The following RBFOX1 variants were observed in gnomAD, a reference collection of about 807,000 sequenced individuals.
RBFOX1 encodes the protein RNA binding fox-1 homolog 1, also known as RNA binding protein fox-1 homolog 1.
In RBFOX1, 8 loss-of-function variants were observed where a neutral mutation model predicts 57.7. The observed-to-expected ratio is 0.14, with a 90% CI of 0.08 to 0.25. The LOEUF (loss-of-function observed/expected upper bound fraction) is 0.25, where lower values mean the gene tolerates loss of function less well. Ranked by LOEUF, RBFOX1 falls within the 10% of genes least tolerant of loss-of-function variation. The pLI is 1.00. For synonymous variants in RBFOX1, 326 were observed against 222.4 expected (o/e 1.47, Z -4.15); for missense variants, 611 against 548.5 (o/e 1.11, Z -1.14).
intron 2 of RBFOX1, among the ~76,000 whole-genome samples, chr16:6,538,377 A>T (rs993909393): frequency 6.6e-6 from 1 of 152,156 alleles, no homozygotes; most frequent in Non-Finnish European, 1.5e-5. Flanking sequence ...CTGTGGTCCC[A>T]GCTACTTGGG....
chr16:6,385,167 G>A (rs2092159661), intron 2 of RBFOX1, among the ~76,000 whole-genome samples: 1 of 152,176 alleles, frequency 6.6e-6, no homozygotes, highest in South Asian at 2.1e-4. Context: ...TGCTCTCAGT[G>A]TGGACAAGAT....
At chr16:7,359,390 C>T (rs1487609167) in intron 4 of RBFOX1, among the ~76,000 whole-genome samples, 1 of 143,932 alleles carries the variant, frequency 6.9e-6, no homozygotes, top group African/African-American at 2.9e-5. Flanking sequence ...ATGTGTGCCT[C>T]TGTGTGTTTG....
chr16:7,710,716 G>C lies in RBFOX1; in HGVS notation c.1165G>C (p.Gly389Arg), dbSNP rs2083883490. ...TTCATTGCAGGCTAGTATATACCGA[G>C]GGGGATACAACCGTTTTGCTCCATA... is the stretch of plus-strand genomic sequence containing the variant. ...LSSLQASIYR[G>R]GYNRFAPY The change falls in exon 16 of 16, where the codon GGG (glycine) becomes CGG (arginine). Residue 389 changes from glycine to arginine, a missense_variant. Coordinates refer to ENST00000550418, the MANE Select transcript of RBFOX1 (RefSeq NM_018723.4). 2 of 1,607,480 alleles carry C rather than the reference G, an allele frequency of 1.2e-6. No homozygotes were observed. The highest frequency in any genetic ancestry group is 1.7e-6 in the Non-Finnish European group (2 of 1,177,238).
intron 1 of RBFOX1, among the ~76,000 whole-genome samples, chr16:6,032,940 G>C (rs902349971): frequency 4.1e-5 from 6 of 147,926 alleles, no homozygotes; most frequent in African/African-American, 1.5e-4. Context: ...TAATAGCTTA[G>C]GATCCAGCTT....
chr16:6,757,439 G>A (rs76298989), intron 3 of RBFOX1, among the ~76,000 whole-genome samples: 1,863 of 152,294 alleles, frequency 0.012, 34 homozygotes, highest in Middle Eastern at 0.048. Flanking sequence ...TGGTATATAT[G>A]CACAACAGAA....
intron 4 of RBFOX1, among the ~76,000 whole-genome samples, chr16:7,207,471 G>A (rs1375524441): frequency 6.6e-6 from 1 of 152,160 alleles, no homozygotes; most frequent in East Asian, 1.9e-4. Flanking sequence ...CACATCCAGT[G>A]CAACCCCCGG....
intron 14 of RBFOX1, among the ~76,000 whole-genome samples, chr16:7,688,270 A>T (rs1235562568): frequency 6.5e-4 from 96 of 147,598 alleles, no homozygotes; most frequent in African/African-American, 2.3e-3. Flanking sequence ...TGAGAGAGAG[A>T]GAGAGAGAGA....
At chr16:6,364,909 C>T (rs2089287772) in intron 2 of RBFOX1, among the ~76,000 whole-genome samples, 1 of 151,996 alleles carries the variant, frequency 6.6e-6, no homozygotes, top group South Asian at 2.1e-4. Context: ...GGGTGTGGTC[C>T]TTTTACGATA....
chr16:7,114,126 CTT>C (rs1211366896), intron 4 of RBFOX1, among the ~76,000 whole-genome samples: 1 of 152,164 alleles, frequency 6.6e-6, no homozygotes, highest in African/African-American at 2.4e-5. Context: ...CCTGAAACCT[CTT>C]GAGTTTTTAA....
chr16:6,671,820 T>G (rs893238415), intron 3 of RBFOX1, among the ~76,000 whole-genome samples: 1 of 152,216 alleles, frequency 6.6e-6, no homozygotes, highest in Non-Finnish European at 1.5e-5. Context: ...CGGAGTAGTA[T>G]TCCATCGAAT....
chr16:5,513,477 G>T (rs778736311), intron 2 of RBFOX1, among the ~76,000 whole-genome samples: 1 of 152,078 alleles, frequency 6.6e-6, no homozygotes, highest in Non-Finnish European at 1.5e-5. Flanking sequence ...CTGTAAATTT[G>T]CTCTTCACAC....
chr16:6,393,618 C>T (rs191270230), intron 2 of RBFOX1, among the ~76,000 whole-genome samples: 6 of 152,326 alleles, frequency 3.9e-5, no homozygotes, highest in African/African-American at 1.4e-4. Flanking sequence ...TGAGAATTCA[C>T]TGCTGTTGCT....
At chr16:6,917,353 G>A (rs1387117432) in intron 3 of RBFOX1, among the ~76,000 whole-genome samples, 2 of 152,112 alleles carry the variant, frequency 1.3e-5, no homozygotes, top group Non-Finnish European at 2.9e-5. Context: ...TCAGTATATG[G>A]GATTGCACAT....
chr16:6,538,366 T>C (rs891247687), intron 2 of RBFOX1, among the ~76,000 whole-genome samples: 6 of 152,050 alleles, frequency 3.9e-5, no homozygotes, highest in Admixed American at 3.3e-4. Flanking sequence ...GTGGCACACA[T>C]CTGTGGTCCC....
intron 4 of RBFOX1, among the ~76,000 whole-genome samples, chr16:7,137,141 G>C (rs768733677): frequency 6.6e-6 from 1 of 152,246 alleles, no homozygotes; most frequent in Non-Finnish European, 1.5e-5. Context: ...GAATGATGCA[G>C]TGGGTTTCTA....
At chr16:6,331,596 G>T (rs754474863) in intron 2 of RBFOX1, among the ~76,000 whole-genome samples, 3 of 97,756 alleles carry the variant, frequency 3.1e-5, no homozygotes, top group Non-Finnish European at 6.3e-5. Flanking sequence ...ATATGTGTGT[G>T]TATATATATG....
At chr16:5,684,513 T>G (rs1052926072) in intron 3 of RBFOX1, among the ~76,000 whole-genome samples, 1 of 152,118 alleles carries the variant, frequency 6.6e-6, no homozygotes, top group African/African-American at 2.4e-5. Flanking sequence ...TGTGTCTGTT[T>G]TCTAGGATTA....
At chr16:6,619,862 C>G (rs1002182535) in intron 2 of RBFOX1, among the ~76,000 whole-genome samples, 1 of 152,032 alleles carries the variant, frequency 6.6e-6, no homozygotes, top group East Asian at 1.9e-4. Context: ...CTCCTCCCAC[C>G]CTCCACCCTA....
chr16:7,138,056 C>G (rs2072544535), intron 4 of RBFOX1, among the ~76,000 whole-genome samples: 1 of 152,130 alleles, frequency 6.6e-6, no homozygotes, highest in Non-Finnish European at 1.5e-5. Flanking sequence ...TAGTCACCAT[C>G]TTAAGAATGA....
Sources: gnomAD v4.1 joint callset for allele counts (sites outside exome capture counted in the v4.1 genomes callset) on GRCh38, gnomAD v4.1.1 for gene constraint, MANE v1.5 for transcripts, NCBI Gene and HGNC (gene_info 2026-07-23, HGNC 2026-07-21) for gene names.